The following ERO1B variants were observed in gnomAD, a reference collection of about 807,000 sequenced individuals.
ERO1B encodes ERO1-like protein beta.
Under a neutral mutation model 75.3 loss-of-function variants are expected in ERO1B, and 49 were observed. That is an observed-to-expected ratio of 0.65 (90% CI 0.52 to 0.83). The LOEUF (loss-of-function observed/expected upper bound fraction) is 0.83, where lower values mean the gene tolerates loss of function less well. Ranked by LOEUF, ERO1B falls within the 40% of genes least tolerant of loss-of-function variation. The pLI, the probability that ERO1B is intolerant of heterozygous loss-of-function variation, is 0.00. For missense variants in ERO1B, 512 were observed against 560.1 expected (o/e 0.91, Z 0.87); for synonymous variants, 191 against 192.9 (o/e 0.99, Z 0.08).
chr1:236,218,760 C>T (rs961738231), intron 15 of ERO1B, among the ~76,000 whole-genome samples, 184 bp from the exon 16 acceptor site: 1 of 152,090 alleles, frequency 6.6e-6, no homozygotes, highest in Non-Finnish European at 1.5e-5. Context: ...CAAAGGAAGC[C>T]TGTTACTTCA....
At chr1:236,264,782 T>C (rs1162447590) in intron 2 of ERO1B, among the ~76,000 whole-genome samples, 2 of 151,850 alleles carry the variant, frequency 1.3e-5, no homozygotes, top group Non-Finnish European at 2.9e-5. Context: ...GAGGTGGAGA[T>C]TGCAGTGAGT....
chr1:236,238,944 T>C (rs1664613210), intron 6 of ERO1B, among the ~76,000 whole-genome samples: 1 of 152,056 alleles, frequency 6.6e-6, no homozygotes, highest in Non-Finnish European at 1.5e-5. Context: ...ATCAATTATA[T>C]CAGGTTTTTC....
intron 14 of ERO1B, 136 bp downstream of exon 14, chr1:236,221,788 C>G (rs1664150850): frequency 1.1e-5 from 7 of 655,704 alleles, no homozygotes; most frequent in Non-Finnish European, 1.9e-5. Flanking sequence ...TTTTCATCAA[C>G]AGAAAAAACA....
intron 13 of ERO1B, among the ~76,000 whole-genome samples, chr1:236,222,507 T>G (rs1664176570): frequency 7.6e-6 from 1 of 131,704 alleles, no homozygotes; most frequent in African/African-American, 2.8e-5. Flanking sequence ...TTAATAAAAT[T>G]CATTCTGCAT....
At chr1:236,273,899 T>C (rs904420332) in intron 1 of ERO1B, among the ~76,000 whole-genome samples, 5 of 150,720 alleles carry the variant, frequency 3.3e-5, no homozygotes, top group African/African-American at 1.2e-4. Context: ...TTTCAGGAAA[T>C]GGCAAAATGA....
At chr1:236,223,257 C>T (rs1012124477) in intron 13 of ERO1B, among the ~76,000 whole-genome samples, 4 of 151,476 alleles carry the variant, frequency 2.6e-5, no homozygotes, top group Admixed American at 6.6e-5. Context: ...AATTCTTCTG[C>T]CTATAAGCAT....
At chr1:236,245,580 A>ATAT (rs1402619086) in intron 5 of ERO1B, among the ~76,000 whole-genome samples, 1 of 1,490 alleles carries the variant, frequency 6.7e-4, no homozygotes, top group African/African-American at 7.7e-4. Context: ...ATATATATAT[A>ATAT]TTTTTTTTTT....
At chr1:236,243,126 C>T (rs974830074) in intron 6 of ERO1B, among the ~76,000 whole-genome samples, 1 of 152,194 alleles carries the variant, frequency 6.6e-6, no homozygotes, top group Non-Finnish European at 1.5e-5. Flanking sequence ...CTGCCTCAGC[C>T]TCTTGCTATT....
At chr1:236,221,569 A>C (rs1222181954) in intron 14 of ERO1B, among the ~76,000 whole-genome samples, 3 of 152,166 alleles carry the variant, frequency 2.0e-5, no homozygotes, top group Non-Finnish European at 4.4e-5. Context: ...AATGACCAAG[A>C]CTTCATATTT....
chr1:236,265,313 T>C (rs1665410525), intron 2 of ERO1B, among the ~76,000 whole-genome samples: 4 of 152,206 alleles, frequency 2.6e-5, no homozygotes, highest in Admixed American at 2.6e-4. Context: ...TTGATGATTA[T>C]CAACATCAAT....
At position 236,234,902 on chromosome 1, in the gene ERO1B, C is replaced by T. The variant is rs115712369; in HGVS notation, c.673+887G>A. Among the ~76,000 whole-genome samples, 965 of 152,268 alleles carry T rather than the reference C, an allele frequency of 6.3e-3. 10 individuals carry two copies. The highest frequency in any genetic ancestry group is 0.022 in the African/African-American group (921 of 41,554). ...GTAATGCTGTTCCATTGAAATATAACGCCACACACGAGTGTTAACTTAAAA... is the reference window on the plus strand; with the variant it reads ...GTAATGCTGTTCCATTGAAATATAATGCCACACACGAGTGTTAACTTAAAA... On this transcript the variant is annotated intron_variant, in intron 8 of 15. Transcript: ENST00000354619.
intron 2 of ERO1B, among the ~76,000 whole-genome samples, chr1:236,264,393 G>A (rs2102963026): frequency 6.6e-6 from 1 of 152,298 alleles, no homozygotes; most frequent in African/African-American, 2.4e-5. Flanking sequence ...ACAGGCAGAA[G>A]CCACCATGCC....
At chr1:236,259,024 A>G (rs767823255) in intron 2 of ERO1B, among the ~76,000 whole-genome samples, 3 of 152,238 alleles carry the variant, frequency 2.0e-5, no homozygotes, top group Non-Finnish European at 2.9e-5. Flanking sequence ...AAAAGACAAA[A>G]TATTAAAAAT....
At chr1:236,266,622 A>G (rs1665447786) in intron 2 of ERO1B, among the ~76,000 whole-genome samples, 6 of 152,204 alleles carry the variant, frequency 3.9e-5, no homozygotes, top group South Asian at 2.1e-4. Flanking sequence ...AAAAATTAAA[A>G]TTAAAAAATA....
At chr1:236,271,661 T>C (rs2695044) in intron 1 of ERO1B, among the ~76,000 whole-genome samples, 138,388 of 151,550 alleles carry the variant, frequency 0.91, 64,476 homozygotes, top group East Asian at 1. Context: ...AGTGATTGTT[T>C]TTTATATATA....
chr1:236,265,246 T>G (rs2492371), intron 2 of ERO1B, among the ~76,000 whole-genome samples: 38,782 of 152,036 alleles, frequency 0.26, 5,172 homozygotes, highest in East Asian at 0.39. Context: ...GAAATCATCA[T>G]GTTAAGAAAT....
intron 2 of ERO1B, among the ~76,000 whole-genome samples, chr1:236,262,757 A>C (rs1031160526): frequency 1.3e-5 from 2 of 152,110 alleles, no homozygotes; most frequent in African/African-American, 4.8e-5. Context: ...CAGCAACAGA[A>C]ATACATGGTG....
At chr1:236,273,522 T>C (rs1398854541) in intron 1 of ERO1B, among the ~76,000 whole-genome samples, 2 of 152,178 alleles carry the variant, frequency 1.3e-5, no homozygotes, top group Admixed American at 6.6e-5. Context: ...TAAAAACACA[T>C]GCAAGAGTTT....
At chr1:236,222,115 T>G (rs1380907106) in intron 13 of ERO1B, 105 bp from the exon 14 acceptor site, 3 of 887,026 alleles carry the variant, frequency 3.4e-6, no homozygotes, top group Non-Finnish European at 5.4e-6. Flanking sequence ...TCAGTTGTGT[T>G]TTTTGTTTGT....
Sources: allele counts gnomAD v4.1 joint callset (sites outside exome capture counted in the v4.1 genomes callset), GRCh38; gene constraint gnomAD v4.1.1; transcripts MANE v1.5; gene names NCBI Gene and HGNC (gene_info 2026-07-23, HGNC 2026-07-21).